SHANK2: variants seen among roughly 807,000 people sequenced by gnomAD.
The protein encoded by SHANK2 is SH3 and multiple ankyrin repeat domains 2.
Under a neutral mutation model 133.7 loss-of-function variants are expected in SHANK2, and 43 were observed. The observed-to-expected ratio is 0.32, with a 90% confidence interval of 0.25 to 0.41. The LOEUF (loss-of-function observed/expected upper bound fraction) is 0.41. Ranked by LOEUF, SHANK2 falls within the 10% of genes least tolerant of loss-of-function variation. The probability of loss-of-function intolerance (pLI) is 1.00; values close to 1 mark genes in which losing one functional copy is unlikely to be tolerated. For missense variants in SHANK2, 1,994 were observed against 2,235.8 expected, an observed-to-expected ratio of 0.89 and a Z score of 2.18; for synonymous variants, 1,017 against 952.8, an observed-to-expected ratio of 1.07 and a Z score of -1.24.
chr11:71,117,145 G>A lies in SHANK2; in HGVS notation c.411+1684C>T, dbSNP rs181744253. Among the ~76,000 whole-genome samples the A allele has an allele frequency of 1.4e-3, 218 of 152,250 alleles. 1 individual carries two copies. Among genetic ancestry groups the A allele is most frequent in the African/African-American group, 4.6e-3 (191 of 41,556 alleles). On this transcript the variant is annotated intron_variant, in intron 4 of 25. Transcript: ENST00000601538. ...AGCAATTCTCCTGCCTCAGCCCCCCGAGTAGCTGGGATTACAGGCACACAT... is the reference window on the plus strand; with the variant it reads ...AGCAATTCTCCTGCCTCAGCCCCCCAAGTAGCTGGGATTACAGGCACACAT...
At chr11:70,750,240 C>G (rs1159624065) in intron 14 of SHANK2, among the ~76,000 whole-genome samples, 1 of 152,160 alleles carries the variant, frequency 6.6e-6, no homozygotes, top group Non-Finnish European at 1.5e-5. Context: ...ATGTGTATAA[C>G]AAGTGTGGAT....
chr11:70,935,875 C>G (rs1555083374), intron 10 of SHANK2, among the ~76,000 whole-genome samples: 1 of 152,166 alleles, frequency 6.6e-6, no homozygotes, highest in Non-Finnish European at 1.5e-5. Flanking sequence ...ACCGCCCCCG[C>G]AAAGGTGAAC....
intron 14 of SHANK2, among the ~76,000 whole-genome samples, chr11:70,781,342 T>A (rs1947482009): frequency 6.6e-6 from 1 of 150,856 alleles, no homozygotes; most frequent in African/African-American, 2.4e-5. Context: ...GGGGTCAGGA[T>A]TATTGTCAGG....
intron 17 of SHANK2, among the ~76,000 whole-genome samples, chr11:70,637,126 T>C (rs1260448938): frequency 1.3e-5 from 2 of 151,602 alleles, no homozygotes; most frequent in Non-Finnish European, 2.9e-5. Context: ...CGTGTGTGGG[T>C]GCCTGTGTGT....
intron 11 of SHANK2, among the ~76,000 whole-genome samples, chr11:70,843,557 G>C (rs1300073328): frequency 6.6e-6 from 1 of 151,974 alleles, no homozygotes; most frequent in Non-Finnish European, 1.5e-5. Context: ...CCTTGAAGAA[G>C]AGGAGATGAG....
At chr11:71,089,742 G>C (rs1264357591) in intron 8 of SHANK2, among the ~76,000 whole-genome samples, 4 of 152,208 alleles carry the variant, frequency 2.6e-5, no homozygotes, top group Non-Finnish European at 4.4e-5. Flanking sequence ...AAACAGCTCA[G>C]ACACAAATGA....
chr11:70,693,366 C>T (rs1376157596), intron 15 of SHANK2, among the ~76,000 whole-genome samples: 1 of 152,208 alleles, frequency 6.6e-6, no homozygotes, highest in Non-Finnish European at 1.5e-5. Flanking sequence ...ATGGCTATTC[C>T]TGCAGTGTCG....
intron 2 of SHANK2, among the ~76,000 whole-genome samples, chr11:71,148,893 G>A (rs146096461): frequency 1.8e-4 from 28 of 152,268 alleles, no homozygotes; most frequent in South Asian, 8.3e-4. Flanking sequence ...CATTTTCACC[G>A]TGCGTAACGG....
chr11:71,175,143 TTG>T lies in SHANK2; in HGVS notation c.-12-27807_-12-27806del, dbSNP rs372317493. Among the ~76,000 whole-genome samples the T allele has an allele frequency of 1.3e-3, 201 of 152,352 alleles. No individual in the cohort carries two copies. The highest frequency in any genetic ancestry group is 4.5e-3 in the African/African-American group (189 of 41,590). ...TTGTTAAATCTGTGCCTTATCTATT[TTG>T]TGTGTCGCTCCCAGGAGGGCAAGAG... On this transcript the variant is annotated intron_variant, in intron 2 of 25. Transcript: ENST00000601538. This position sits in a 1 kb window ranked among gnomAD's most constrained non-coding sequence, Gnocchi z 4.2.
chr11:71,072,234 C>T (rs1299194269), intron 9 of SHANK2, among the ~76,000 whole-genome samples: 12 of 152,096 alleles, frequency 7.9e-5, no homozygotes, highest in African/African-American at 1.9e-4. Flanking sequence ...CTCCACAGGC[C>T]GCCCCCACCA....
chr11:71,096,508 G>A (rs1247698132), intron 6 of SHANK2, among the ~76,000 whole-genome samples: 6 of 152,290 alleles, frequency 3.9e-5, no homozygotes, highest in Admixed American at 3.3e-4. Context: ...GCTGAAGCAC[G>A]AGTGTCCGAG....
In SHANK2 at chr11:70,850,045, T is replaced by C. The variant is rs781889168; in HGVS notation, c.1175-29363A>G. On this transcript the variant is annotated intron_variant, in intron 11 of 25. Transcript: ENST00000601538. ...CTGGCCCTCATCATCCTACCCTCTG[T>C]TTCTATGAATCTGACGACTCTAGGG... is the stretch of plus-strand genomic sequence containing the variant. Among the ~76,000 whole-genome samples, 81 of 152,228 alleles carry C rather than the reference T, an allele frequency of 5.3e-4. 1 individual carries two copies. The highest frequency in any genetic ancestry group is 6.8e-3 in the Middle Eastern group (2 of 294).
At chr11:70,545,862 G>A (rs1440643535) in intron 17 of SHANK2, among the ~76,000 whole-genome samples, 4 of 152,282 alleles carry the variant, frequency 2.6e-5, no homozygotes, top group African/African-American at 2.4e-5. Context: ...GGCTGACTAC[G>A]AGTCAGAGCT....
intron 17 of SHANK2, among the ~76,000 whole-genome samples, chr11:70,642,269 G>A (rs1257585887): frequency 8.5e-5 from 12 of 140,520 alleles, no homozygotes; most frequent in Admixed American, 1.6e-4. Context: ...AAATTTTCTC[G>A]CCTAAAAATG....
intron 3 of SHANK2, among the ~76,000 whole-genome samples, chr11:71,142,922 C>T (rs138842609): frequency 2.4e-3 from 366 of 152,134 alleles, no homozygotes; most frequent in African/African-American, 8.4e-3. Context: ...TCCCCACAGA[C>T]GGGAAATTGT....
intron 10 of SHANK2, chr11:70,951,187 CGTG>C (rs1950832077): frequency 3.2e-6 from 1 of 309,080 alleles, no homozygotes; most frequent in African/African-American, 2.9e-5. Flanking sequence ...GCTGCTGTGC[CGTG>C]ACATCATAAA....
rs575295176 is a variant in SHANK2 at position 70,719,000 on chromosome 11, T to C, written c.1778-20237A>G. On this transcript the variant is annotated intron_variant, in intron 14 of 25. Coordinates refer to ENST00000601538, the MANE Select transcript of SHANK2 (RefSeq NM_012309.5). The stretch of plus-strand genomic sequence containing the variant: ...AAGATGGAAATCAGGGTCATGAGAA[T>C]ACAATGAATTAAAGAAGGGTGCCTG... Among the ~76,000 whole-genome samples, 134 of 152,256 alleles carry C rather than the reference T, an allele frequency of 8.8e-4. 1 individual carries two copies. In the Middle Eastern group the frequency reaches 0.01, roughly 12 times the overall value.
chr11:70,816,506 C>T (rs1430796013), intron 12 of SHANK2, among the ~76,000 whole-genome samples: 2 of 152,218 alleles, frequency 1.3e-5, no homozygotes, highest in Non-Finnish European at 2.9e-5. Flanking sequence ...TCACCCAGGG[C>T]CCCCAGAGGC....
chr11:70,878,059 G>T (rs1481164617), intron 11 of SHANK2, among the ~76,000 whole-genome samples: 3 of 152,230 alleles, frequency 2.0e-5, no homozygotes, highest in Non-Finnish European at 4.4e-5. Context: ...TGGCTCAGCC[G>T]CCATTGACTT....
Sources: gnomAD v4.1 joint callset for allele counts (sites outside exome capture counted in the v4.1 genomes callset) on GRCh38, gnomAD v4.1.1 for gene constraint, Gnocchi (gnomAD v3.1) non-coding constraint, MANE v1.5 for transcripts, NCBI Gene and HGNC (gene_info 2026-07-23, HGNC 2026-07-21) for gene names.